WDHD1: variants seen among roughly 807,000 people sequenced by gnomAD.
The protein encoded by WDHD1 is WD repeat and HMG-box DNA binding protein 1, also known as WD repeat and HMG-box DNA-binding protein 1.
In WDHD1, 111 loss-of-function variants were observed where a neutral mutation model predicts 135.4. The ratio of observed to expected loss-of-function variants is 0.82; its 90% CI spans 0.70 to 0.96. WDHD1 has a LOEUF of 0.96. WDHD1 is among the 40% of genes least tolerant of loss of function. The probability of loss-of-function intolerance (pLI) is 0.00; values close to 1 mark genes in which losing one functional copy is unlikely to be tolerated. For synonymous variants in WDHD1, 434 were observed against 439.0 expected (o/e 0.99, Z 0.14); for missense variants, 1,351 against 1,336.3 (o/e 1.01, Z -0.17).
chr14:54,989,331 T>C (rs2041747610), intron 12 of WDHD1, 119 bp from the exon 13 acceptor site: 1 of 699,032 alleles, frequency 1.4e-6, no homozygotes. Flanking sequence ...ATTTAGGTTT[T>C]GGGAGTTACT....
rs1163017124 is a variant in WDHD1 at position 54,939,965 on chromosome 14, TATAA to T, written c.*1521_*1524del. 1.3e-5 allele frequency: 2 copies of T among 152,206 alleles called. No homozygotes were observed. The highest frequency in any genetic ancestry group is 2.9e-5 in the Non-Finnish European group (2 of 68,026). 9.4% of individuals were successfully genotyped at this position (152,206 alleles called of 1,614,324 possible). A position where few individuals can be genotyped will look rare whatever the true frequency, so the allele number is the denominator to read the frequency against. On this transcript the variant is annotated 3_prime_UTR_variant, in exon 26 of 26. Transcript: ENST00000360586. ...TCTACAAACATGCTTTCCAATGTACTATAAATAAACCTTTACTTAAGATCTTGAA... is the reference window on the plus strand; with the variant it reads ...TCTACAAACATGCTTTCCAATGTACTATAAACCTTTACTTAAGATCTTGAA...
intron 21 of WDHD1, among the ~76,000 whole-genome samples, chr14:54,959,739 A>C (rs1209166394): frequency 6.6e-6 from 1 of 151,682 alleles, no homozygotes; most frequent in African/African-American, 2.4e-5. Context: ...CTGCACTCCA[A>C]CTCTGCTCCA....
chr14:54,989,222 G>A lies in WDHD1; in HGVS notation c.1342-10C>T. 1 of 1,602,538 alleles carries A rather than the reference G, an allele frequency of 6.2e-7. No homozygotes were observed. The highest frequency in any genetic ancestry group is 8.5e-7 in the Non-Finnish European group (1 of 1,174,468). ...CAATAGAGTTCCACACCTACAAACA[G>A]GTAAGATTAAATATAAGTCTGAGAA... On this transcript the variant is annotated splice_polypyrimidine_tract_variant and intron_variant, in intron 12 of 25. Transcript: ENST00000360586.
At chr14:55,007,000 G>A (rs948286650) in intron 7 of WDHD1, among the ~76,000 whole-genome samples, 6 of 152,170 alleles carry the variant, frequency 3.9e-5, no homozygotes, top group South Asian at 2.1e-4. Flanking sequence ...GCTGAGGTGC[G>A]TGGATTGCCT....
intron 18 of WDHD1, among the ~76,000 whole-genome samples, chr14:54,965,049 G>C (rs965356085): frequency 1.3e-5 from 2 of 152,214 alleles, no homozygotes; most frequent in Admixed American, 6.5e-5. Flanking sequence ...TTGGAGACAA[G>C]AGTGGCAATT....
rs775780969 is a variant in WDHD1, at chr14:54,991,376, G to C, written c.1178C>G (p.Ser393Cys). The C allele has an allele frequency of 5.6e-5, 91 of 1,613,926 alleles. No homozygotes were observed. The highest frequency in any genetic ancestry group is 7.6e-5 in the Non-Finnish European group (90 of 1,179,946). The change falls in exon 12 of 26, where the codon TCT (serine) becomes TGT (cysteine). Residue 393 changes from serine (S) to cysteine (C), a missense_variant. Ser to Cys is a moderately radical substitution (Grantham distance 112). This residue lies in a region of WDHD1 where 1,330 missense variants were observed against 1,296.1 expected (regional missense o/e 1.03). Transcript: ENST00000360586. ...TTCCTCCTCCTCTTTGAGAAGACTA[G>C]AACCAGTTTTTAGCATTGAAATATC... ...SVDISMLKTG[S>C]SLLKEEEEDG...
chr14:55,003,380 G>A (rs73266074), intron 7 of WDHD1, among the ~76,000 whole-genome samples: 13,130 of 151,746 alleles, frequency 0.087, 666 homozygotes, highest in South Asian at 0.16. Flanking sequence ...CATTGTGGGC[G>A]CGTGCCTCTA....
Position 55,007,325 on chromosome 14 carries a change from A to G in WDHD1, c.555T>C (p.Asn185=). The G allele has an allele frequency of 6.2e-7, 1 of 1,607,306 alleles. No individual in the cohort carries two copies. The highest frequency in any genetic ancestry group is 1.1e-5 in the South Asian group (1 of 88,306). Residue 185 remains asparagine, a synonymous_variant, in exon 7 of 26, where the codon AAT becomes AAC. Transcript: ENST00000360586. ...AAGCAAGTCTGCAGATTGATTTTGC[A>G]TTTATCACATCGTTGCATTTTTGTA... is the stretch of plus-strand genomic sequence containing the variant. ...PLLQKCNDVI[N]AKSICRLAWQ... is the part of the protein sequence containing the mutation.
At chr14:55,021,016 T>C (rs2042337399) in intron 2 of WDHD1, among the ~76,000 whole-genome samples, 2 of 152,298 alleles carry the variant, frequency 1.3e-5, no homozygotes, top group African/African-American at 4.8e-5. Context: ...GAGTTGGTCT[T>C]ACTGTCTCAG....
intron 16 of WDHD1, among the ~76,000 whole-genome samples, chr14:54,972,718 G>A (rs1321582093): frequency 1.3e-5 from 2 of 151,968 alleles, no homozygotes; most frequent in African/African-American, 2.4e-5. Context: ...TATTCAGGAG[G>A]CTGAGACAGA....
At chr14:54,957,297 G>T in intron 22 of WDHD1, 93 bp from the exon 23 acceptor site, 1 of 1,348,444 alleles carries the variant, frequency 7.4e-7, no homozygotes, top group Non-Finnish European at 1.0e-6. Context: ...TGTTAAGTTT[G>T]TATTGCCATC....
chr14:54,985,186 G>C (rs1318474843), intron 14 of WDHD1, among the ~76,000 whole-genome samples: 1 of 152,060 alleles, frequency 6.6e-6, no homozygotes, highest in Non-Finnish European at 1.5e-5. Flanking sequence ...TCAAATTTCA[G>C]GTAGAAGACA....
At position 55,016,014 on chromosome 14, in the gene WDHD1, G is replaced by T. The variant is rs770408841; in HGVS notation, c.78-2418C>A. Among the ~76,000 whole-genome samples, 11 of 152,324 alleles carry T rather than the reference G, an allele frequency of 7.2e-5. No individual in the cohort carries two copies. In the South Asian group the frequency reaches 8.3e-4, roughly 11 times the overall value. ...ACACCCAGCCCCGATGGGCTTCTTG[G>T]TGTATCAGCAGATGCACTGGAGGAG... On this transcript the variant is annotated intron_variant, in intron 2 of 25. Transcript: ENST00000360586.
chr14:54,972,804 T>C (rs1489792777), intron 16 of WDHD1, among the ~76,000 whole-genome samples: 2 of 152,018 alleles, frequency 1.3e-5, no homozygotes, highest in Non-Finnish European at 2.9e-5. Flanking sequence ...GACAGAAAGA[T>C]GGTGAAATGC....
At chr14:55,015,020 G>T (rs2042236374) in intron 2 of WDHD1, among the ~76,000 whole-genome samples, 1 of 152,142 alleles carries the variant, frequency 6.6e-6, no homozygotes, top group South Asian at 2.1e-4. Flanking sequence ...TAACCTTAAT[G>T]CCAGAGTAAG....
chr14:54,947,192 A>G (rs1215542518), intron 24 of WDHD1, among the ~76,000 whole-genome samples: 1 of 151,946 alleles, frequency 6.6e-6, no homozygotes, highest in Non-Finnish European at 1.5e-5. Flanking sequence ...ATACAAAATT[A>G]GTCGGGCATG....
intron 21 of WDHD1, among the ~76,000 whole-genome samples, chr14:54,958,267 C>T (rs975907604): frequency 1.3e-5 from 2 of 151,924 alleles, no homozygotes; most frequent in Non-Finnish European, 2.9e-5. Flanking sequence ...GCTGGGATTA[C>T]AGGCGCCTGC....
intron 7 of WDHD1, among the ~76,000 whole-genome samples, chr14:55,002,547 C>T (rs142608530): frequency 9.2e-5 from 14 of 152,106 alleles, no homozygotes; most frequent in African/African-American, 2.9e-4. Context: ...TAAAGGTGAT[C>T]ACTCTATTGC....
chr14:54,994,740 G>A (rs1439496884), intron 11 of WDHD1, among the ~76,000 whole-genome samples: 1 of 146,642 alleles, frequency 6.8e-6, no homozygotes. Context: ...CAGCCTGGGT[G>A]ACAGAGTGAG....
Sources: gnomAD v4.1 joint callset for allele counts (sites outside exome capture counted in the v4.1 genomes callset) on GRCh38, gnomAD v4.1.1 for gene constraint, gnomAD v4.1.1 regional missense constraint, MANE v1.5 for transcripts, NCBI Gene and HGNC (gene_info 2026-07-23, HGNC 2026-07-21) for gene names.